ZEB1: variants seen among roughly 807,000 people sequenced by gnomAD.
ZEB1 encodes zinc finger E-box-binding homeobox 1.
In ZEB1, 21 loss-of-function variants were observed where a neutral mutation model predicts 84.9. The observed-to-expected ratio is 0.25, with a 90% confidence interval of 0.18 to 0.36. The LOEUF (loss-of-function observed/expected upper bound fraction) is 0.36, where lower values mean the gene tolerates loss of function less well. Ranked by LOEUF, ZEB1 falls within the 10% of genes least tolerant of loss-of-function variation. ZEB1 has a pLI of 1.00. For missense variants in ZEB1, 1,104 were observed against 1,330.2 expected (o/e 0.83, Z 2.65); for synonymous variants, 420 against 471.1 (o/e 0.89, Z 1.41).
intron 2 of ZEB1, among the ~76,000 whole-genome samples, chr10:31,476,041 C>T (rs1275228790): frequency 6.6e-6 from 1 of 151,874 alleles, no homozygotes; most frequent in African/African-American, 2.4e-5. Flanking sequence ...CTACCAGAGA[C>T]CCACCTAATG....
intron 1 of ZEB1, chr10:31,372,882 G>A (rs997488274): frequency 2.9e-5 from 15 of 511,734 alleles, no homozygotes; most frequent in Non-Finnish European, 3.3e-5. Context: ...TTTTATTATA[G>A]CATGTCTTCT....
At chr10:31,411,769 C>A (rs928557172) in intron 1 of ZEB1, among the ~76,000 whole-genome samples, 4 of 151,560 alleles carry the variant, frequency 2.6e-5, no homozygotes, top group Non-Finnish European at 5.9e-5. Flanking sequence ...TTCTGGGTCT[C>A]TTTCTTTCTA....
intron 2 of ZEB1, among the ~76,000 whole-genome samples, chr10:31,495,483 C>A (rs2067090229): frequency 6.6e-6 from 1 of 152,006 alleles, no homozygotes; most frequent in African/African-American, 2.4e-5. Flanking sequence ...TTCAAGGACA[C>A]ATTACCATAT....
At chr10:31,353,413 A>G (rs552989480) in intron 1 of ZEB1, among the ~76,000 whole-genome samples, 1 of 152,346 alleles carries the variant, frequency 6.6e-6, no homozygotes, top group South Asian at 2.1e-4. Flanking sequence ...AGAATTCTTT[A>G]TAAACCACTG....
intron 1 of ZEB1, among the ~76,000 whole-genome samples, chr10:31,333,089 G>A (rs1488675379): frequency 6.6e-6 from 1 of 152,138 alleles, no homozygotes; most frequent in East Asian, 1.9e-4. Context: ...AGATAAAGGA[G>A]TTTTACTGTA....
intron 1 of ZEB1, among the ~76,000 whole-genome samples, chr10:31,412,506 G>A (rs930240099): frequency 9.9e-5 from 15 of 152,102 alleles, no homozygotes; most frequent in Non-Finnish European, 1.8e-4. Context: ...GAGAACATGC[G>A]GTGTTTGGTT....
At chr10:31,406,816 A>G (rs185940597) in intron 1 of ZEB1, among the ~76,000 whole-genome samples, 2 of 151,974 alleles carry the variant, frequency 1.3e-5, no homozygotes, top group East Asian at 1.9e-4. Context: ...AGAGTTTTTT[A>G]TGGTTTTAGG....
chr10:31,361,764 G>A (rs1286638205), intron 1 of ZEB1, among the ~76,000 whole-genome samples: 7 of 151,160 alleles, frequency 4.6e-5, no homozygotes, highest in Admixed American at 4.6e-4. Flanking sequence ...ACGGTGAGGA[G>A]GCCAGGCAGA....
At chr10:31,427,143 A>T (rs1450938495) in intron 1 of ZEB1, among the ~76,000 whole-genome samples, 7 of 152,116 alleles carry the variant, frequency 4.6e-5, no homozygotes, top group Non-Finnish European at 1.0e-4. Flanking sequence ...CAAAAAAAAA[A>T]TCCATTGTTA....
chr10:31,383,091 CAT>C (rs59226984), intron 1 of ZEB1, among the ~76,000 whole-genome samples: 21 of 150,140 alleles, frequency 1.4e-4, no homozygotes, highest in Admixed American at 2.7e-4. Context: ...AATTATTTTA[CAT>C]ATATATATAT....
At chr10:31,411,176 G>A (rs914030851) in intron 1 of ZEB1, among the ~76,000 whole-genome samples, 14 of 152,144 alleles carry the variant, frequency 9.2e-5, no homozygotes, top group South Asian at 8.3e-4. Flanking sequence ...TCAGACCACA[G>A]TGCAATCAAA....
intron 1 of ZEB1, among the ~76,000 whole-genome samples, chr10:31,378,967 C>T (rs1327865969): frequency 6.6e-6 from 1 of 152,070 alleles, no homozygotes; most frequent in African/African-American, 2.4e-5. Flanking sequence ...GCGTATAAAT[C>T]TCTCAAATAT....
chr10:31,493,640 G>C (rs546841112), intron 2 of ZEB1, among the ~76,000 whole-genome samples: 1 of 151,966 alleles, frequency 6.6e-6, no homozygotes, highest in Non-Finnish European at 1.5e-5. Context: ...AGCACAGCCT[G>C]TTTGCAGACA....
intron 1 of ZEB1, chr10:31,358,025 C>G (rs556323887): frequency 6.6e-6 from 1 of 152,110 alleles, no homozygotes; most frequent in Non-Finnish European, 1.5e-5. Context: ...TGCACTCCTG[C>G]CCCCAACTTG....
intron 1 of ZEB1, among the ~76,000 whole-genome samples, chr10:31,346,919 G>T (rs575125981): frequency 6.6e-6 from 1 of 152,120 alleles, no homozygotes; most frequent in African/African-American, 2.4e-5. Context: ...TAAGTTTAAG[G>T]CCTGTAACTA....
At chr10:31,341,307 CT>C (rs1305296134) in intron 1 of ZEB1, among the ~76,000 whole-genome samples, 1 of 151,952 alleles carries the variant, frequency 6.6e-6, no homozygotes, top group South Asian at 2.1e-4. Context: ...AGAGTCTGTA[CT>C]TTTTTTGTTG....
At chr10:31,395,696 A>G (rs1001746317) in intron 1 of ZEB1, among the ~76,000 whole-genome samples, 1 of 152,180 alleles carries the variant, frequency 6.6e-6, no homozygotes, top group Non-Finnish European at 1.5e-5. Flanking sequence ...AGATTATGCC[A>G]AAAGAGTGAC....
intron 1 of ZEB1, among the ~76,000 whole-genome samples, chr10:31,438,764 A>G (rs150625442): frequency 3.5e-4 from 54 of 152,336 alleles, no homozygotes; most frequent in African/African-American, 1.2e-3. Flanking sequence ...GGATCGCTTG[A>G]GCCTAGCAGT....
intron 1 of ZEB1, among the ~76,000 whole-genome samples, chr10:31,373,727 T>TA (rs2046125348): frequency 6.6e-6 from 1 of 151,908 alleles, no homozygotes; most frequent in African/African-American, 2.4e-5. Context: ...CGGAAACTAT[T>TA]AAATTTGTAA....
Sources: allele counts gnomAD v4.1 joint callset (sites outside exome capture counted in the v4.1 genomes callset), GRCh38; gene constraint gnomAD v4.1.1; transcripts MANE v1.5; gene names NCBI Gene and HGNC (gene_info 2026-07-23, HGNC 2026-07-21).